The following HHIP variants were observed in gnomAD, a reference collection of about 807,000 sequenced individuals.
HHIP encodes the protein hedgehog interacting protein.
HHIP carries 12 observed loss-of-function variants against 74.0 expected under a neutral mutation model. The observed-to-expected ratio is 0.16, with a 90% CI of 0.10 to 0.26. HHIP has a LOEUF of 0.26. Among genes scored for constraint, HHIP ranks in the 10% least tolerant of loss-of-function variants. The pLI, the probability that HHIP is intolerant of heterozygous loss-of-function variation, is 1.00. For synonymous variants in HHIP, 309 were observed against 311.6 expected, an observed-to-expected ratio of 0.99 and a Z score of 0.09; for missense variants, 788 against 845.0, an observed-to-expected ratio of 0.93 and a Z score of 0.84.
intron 12 of HHIP, among the ~76,000 whole-genome samples, chr4:144,736,136 C>CGTTT (rs71590475): frequency 7.8e-6 from 1 of 128,272 alleles, no homozygotes; most frequent in Non-Finnish European, 1.6e-5. Flanking sequence ...TTTTCTGCAT[C>CGTTT]TTTTTTTTTT....
At chr4:144,717,003 G>C (rs139485520) in intron 10 of HHIP, among the ~76,000 whole-genome samples, 2 of 150,486 alleles carry the variant, frequency 1.3e-5, no homozygotes, top group African/African-American at 4.9e-5. Flanking sequence ...TTATGTTAAC[G>C]TCACCACCAT....
At chr4:144,725,868 A>G (rs1247811394) in intron 11 of HHIP, among the ~76,000 whole-genome samples, 1 of 152,034 alleles carries the variant, frequency 6.6e-6, no homozygotes, top group Non-Finnish European at 1.5e-5. Context: ...CGGGGGTTTC[A>G]CCATGTTGGC....
intron 4 of HHIP, among the ~76,000 whole-genome samples, chr4:144,691,559 T>G (rs1440798588): frequency 1.3e-5 from 2 of 152,226 alleles, no homozygotes; most frequent in Non-Finnish European, 2.9e-5. Flanking sequence ...AATGTGCTTG[T>G]ATTTCTATTT....
chr4:144,738,055 T>C lies in HHIP; in HGVS notation c.*98T>C, dbSNP rs1731168442. Reference sequence around the variant, plus strand: ...GTTATCCTGCTACACACTCCTGTGATTTCATTCTCTTTTATTAATTTAAAA... The same window carrying C: ...GTTATCCTGCTACACACTCCTGTGACTTCATTCTCTTTTATTAATTTAAAA... On this transcript the variant is annotated 3_prime_UTR_variant, in exon 13 of 13. Coordinates refer to ENST00000296575, the MANE Select transcript of HHIP (RefSeq NM_022475.3). The C allele has an allele frequency of 1.4e-6, 2 of 1,398,020 alleles. No individual in the cohort carries two copies. Among genetic ancestry groups the C allele is most frequent in the Non-Finnish European group, 1.9e-6 (2 of 1,077,124 alleles). 86.6% of individuals were successfully genotyped at this position (1,398,020 alleles called of 1,614,324 possible).
intron 7 of HHIP, among the ~76,000 whole-genome samples, chr4:144,711,040 T>C (rs988183310): frequency 2.0e-5 from 2 of 99,884 alleles, no homozygotes; most frequent in African/African-American, 6.8e-5. Flanking sequence ...GTGATGAAGT[T>C]GCAAGTCCTC....
intron 4 of HHIP, among the ~76,000 whole-genome samples, chr4:144,665,112 G>A (rs1041919337): frequency 6.6e-6 from 1 of 152,168 alleles, no homozygotes; most frequent in Non-Finnish European, 1.5e-5. Flanking sequence ...TTGCTCTGTT[G>A]CCCAGGCTGC....
chr4:144,694,399 T>C (rs1285332942), intron 4 of HHIP, among the ~76,000 whole-genome samples: 1 of 151,820 alleles, frequency 6.6e-6, no homozygotes, highest in African/African-American at 2.4e-5. Flanking sequence ...TTTTCTCTTA[T>C]ATAAGTCAAT....
At chr4:144,732,698 C>T (rs966251049) in intron 11 of HHIP, among the ~76,000 whole-genome samples, 1 of 152,140 alleles carries the variant, frequency 6.6e-6, no homozygotes, top group African/African-American at 2.4e-5. Context: ...CTAAATGATG[C>T]CATCTCTTTG....
intron 4 of HHIP, among the ~76,000 whole-genome samples, chr4:144,674,285 T>A (rs535650488): frequency 6.6e-6 from 1 of 152,340 alleles, no homozygotes; most frequent in East Asian, 1.9e-4. Context: ...TGAACACATA[T>A]TTTAACTTCT....
intron 4 of HHIP, 101 bp downstream of exon 4, chr4:144,659,939 A>C: frequency 1.2e-6 from 1 of 864,258 alleles, no homozygotes; most frequent in South Asian, 1.6e-5. Context: ...AAAAGAAAGA[A>C]TCTTGCAGGA....
chr4:144,692,407 T>C (rs1729699548), intron 4 of HHIP, among the ~76,000 whole-genome samples: 1 of 152,174 alleles, frequency 6.6e-6, no homozygotes, highest in Non-Finnish European at 1.5e-5. Flanking sequence ...CCATTTCTCT[T>C]TTTCCCGAAG....
chr4:144,678,756 G>A (rs2131354), intron 4 of HHIP, among the ~76,000 whole-genome samples: 62,823 of 152,108 alleles, frequency 0.41, 14,976 homozygotes, highest in South Asian at 0.54. Flanking sequence ...ATTCCATGGT[G>A]TATGTATGTC....
chr4:144,709,714 C>T (rs948213896), intron 7 of HHIP, among the ~76,000 whole-genome samples: 4 of 152,178 alleles, frequency 2.6e-5, no homozygotes, highest in Non-Finnish European at 4.4e-5. Flanking sequence ...ACTTTATCTC[C>T]TCTCTGCTTC....
chr4:144,686,558 T>C (rs939733472), intron 4 of HHIP, among the ~76,000 whole-genome samples: 2 of 151,986 alleles, frequency 1.3e-5, no homozygotes, highest in Non-Finnish European at 2.9e-5. Context: ...GAAATATTAA[T>C]AGTAAAACAA....
At chr4:144,647,513 A>T (rs1211259219) in intron 1 of HHIP, among the ~76,000 whole-genome samples, 2 of 152,180 alleles carry the variant, frequency 1.3e-5, no homozygotes, top group Admixed American at 1.3e-4. Context: ...TAGGGACCTG[A>T]AAAAAACTGG....
At chr4:144,692,211 T>G (rs1213566787) in intron 4 of HHIP, among the ~76,000 whole-genome samples, 2 of 152,036 alleles carry the variant, frequency 1.3e-5, no homozygotes, top group Non-Finnish European at 2.9e-5. Context: ...AAGCTGAAGC[T>G]CAGGGGTGTT....
At chr4:144,703,106 C>T (rs1730034153) in intron 4 of HHIP, among the ~76,000 whole-genome samples, 1 of 151,586 alleles carries the variant, frequency 6.6e-6, no homozygotes, top group East Asian at 1.9e-4. Context: ...CCCAAGTACC[C>T]GGGAGGCTGA....
chr4:144,703,767 C>T (rs1250695936), intron 4 of HHIP, among the ~76,000 whole-genome samples: 10 of 152,152 alleles, frequency 6.6e-5, no homozygotes, highest in African/African-American at 2.4e-4. Context: ...CGGGCTAGGA[C>T]GGTGTCCTGG....
intron 2 of HHIP, among the ~76,000 whole-genome samples, chr4:144,654,272 G>A (rs765918998): frequency 4.6e-5 from 7 of 152,064 alleles, no homozygotes; most frequent in Admixed American, 1.3e-4. Flanking sequence ...CAAGCACCTC[G>A]CTCCCCAGAT....
Sources: gnomAD v4.1 joint callset for allele counts (sites outside exome capture counted in the v4.1 genomes callset) on GRCh38, gnomAD v4.1.1 for gene constraint, MANE v1.5 for transcripts, NCBI Gene and HGNC (gene_info 2026-07-23, HGNC 2026-07-21) for gene names.